Variants in ASTN2 observed in about 807,000 individuals in gnomAD.
ASTN2 encodes astrotactin-2.
In ASTN2, 54 loss-of-function variants were observed where a neutral mutation model predicts 139.8. The observed-to-expected ratio is 0.39, with a 90% CI of 0.31 to 0.48. The LOEUF (loss-of-function observed/expected upper bound fraction) is 0.48. ASTN2 is among the 20% of genes least tolerant of loss of function. The pLI is 0.95. For synonymous variants in ASTN2, 756 were observed against 719.5 expected (o/e 1.05, Z -0.81); for missense variants, 1,565 against 1,725.1 (o/e 0.91, Z 1.64).
At chr9:116,640,333 C>T (rs1038646904) in intron 17 of ASTN2, among the ~76,000 whole-genome samples, 6 of 151,968 alleles carry the variant, frequency 3.9e-5, no homozygotes, top group Non-Finnish European at 8.8e-5. Context: ...GAGGAGGAGA[C>T]ACAGGCATCA....
intron 2 of ASTN2, among the ~76,000 whole-genome samples, chr9:117,251,826 C>T (rs1246547124): frequency 6.6e-6 from 1 of 152,110 alleles, no homozygotes; most frequent in African/African-American, 2.4e-5. Flanking sequence ...ATTGTCTACA[C>T]TAGGTAGTCA....
chr9:117,043,920 A>AG (rs56386959), intron 5 of ASTN2, among the ~76,000 whole-genome samples: 5 of 108,456 alleles, frequency 4.6e-5, no homozygotes, highest in Admixed American at 1.8e-4. Context: ...AAAAAAAAAA[A>AG]AAAGAAAAGA....
chr9:116,812,962 C>T (rs1355926095), intron 12 of ASTN2, among the ~76,000 whole-genome samples: 1 of 152,028 alleles, frequency 6.6e-6, no homozygotes. Context: ...TCTCCCCCGC[C>T]GAGCCACCTA....
intron 10 of ASTN2, among the ~76,000 whole-genome samples, chr9:116,973,119 T>C (rs1019065626): frequency 6.6e-6 from 1 of 152,202 alleles, no homozygotes; most frequent in African/African-American, 2.4e-5. Flanking sequence ...TTTTATCCCC[T>C]ATTGCAGATC....
At chr9:117,294,487 C>T (rs895329565) in intron 1 of ASTN2, among the ~76,000 whole-genome samples, 1 of 152,224 alleles carries the variant, frequency 6.6e-6, no homozygotes, top group African/African-American at 2.4e-5. Context: ...CATTCATTCA[C>T]TCATTATTCA....
chr9:117,390,323 T>C (rs1364175159), intron 1 of ASTN2, among the ~76,000 whole-genome samples: 6 of 152,220 alleles, frequency 3.9e-5, no homozygotes, highest in East Asian at 3.9e-4. Flanking sequence ...TTTGTTATAA[T>C]TGATGAGCCA....
intron 17 of ASTN2, among the ~76,000 whole-genome samples, chr9:116,642,142 A>AAAAAACAAAACAAAAAAAAC (rs1857367386): frequency 7.0e-6 from 1 of 142,214 alleles, no homozygotes; most frequent in African/African-American, 2.9e-5. Flanking sequence ...CAAAAAAAAA[A>AAAAAACAAAACAAAAAAAAC]AAACAAAAAA....
At chr9:116,980,784 A>G (rs1301565494) in intron 7 of ASTN2, among the ~76,000 whole-genome samples, 1 of 152,134 alleles carries the variant, frequency 6.6e-6, no homozygotes, top group Non-Finnish European at 1.5e-5. Flanking sequence ...CTAAATCTCC[A>G]CTATTTGCAA....
chr9:116,831,278 G>T (rs2132285573), intron 11 of ASTN2, among the ~76,000 whole-genome samples: 1 of 152,180 alleles, frequency 6.6e-6, no homozygotes. Flanking sequence ...CAGGTGATGG[G>T]TATAATAAAA....
At chr9:116,999,556 T>TCC (rs1837131347) in intron 7 of ASTN2, among the ~76,000 whole-genome samples, 1 of 65,836 alleles carries the variant, frequency 1.5e-5, no homozygotes, top group Non-Finnish European at 3.3e-5. Context: ...TTCTTTTTTT[T>TCC]TTTTTTTTTT....
intron 19 of ASTN2, among the ~76,000 whole-genome samples, chr9:116,604,685 T>C (rs544425394): frequency 5.8e-4 from 88 of 152,324 alleles, no homozygotes; most frequent in Non-Finnish European, 1.1e-3. Context: ...GCTGCCACCA[T>C]CCTCTCAGCT....
At chr9:116,444,039 AAG>A (rs1347826111) in intron 20 of ASTN2, among the ~76,000 whole-genome samples, 1 of 152,220 alleles carries the variant, frequency 6.6e-6, no homozygotes, top group African/African-American at 2.4e-5. Context: ...GCACTGAGCT[AAG>A]AGTTACCTAC....
intron 18 of ASTN2, among the ~76,000 whole-genome samples, chr9:116,618,966 A>T (rs1855989947): frequency 6.6e-6 from 1 of 152,126 alleles, no homozygotes; most frequent in Admixed American, 6.6e-5. Context: ...AAATAGAATG[A>T]TTAAAGGTTA....
intron 1 of ASTN2, among the ~76,000 whole-genome samples, chr9:117,346,341 G>A (rs1829216788): frequency 6.6e-6 from 1 of 152,102 alleles, no homozygotes; most frequent in Admixed American, 6.6e-5. Context: ...TAAATGCTTG[G>A]TCAGGTTCAG....
At chr9:117,024,385 G>A (rs528725086) in intron 6 of ASTN2, among the ~76,000 whole-genome samples, 1 of 151,640 alleles carries the variant, frequency 6.6e-6, no homozygotes, top group African/African-American at 2.4e-5. Flanking sequence ...TTACAGGAAC[G>A]GTATTAGATG....
chr9:116,752,207 A>G (rs542154560), intron 13 of ASTN2, among the ~76,000 whole-genome samples: 16 of 152,328 alleles, frequency 1.1e-4, no homozygotes, highest in Non-Finnish European at 7.4e-5. Context: ...AATCTAGTCA[A>G]CTGATCTTTA....
intron 13 of ASTN2, among the ~76,000 whole-genome samples, chr9:116,803,508 ATATATATATATATATTTTTTTT>A (rs1177551713): frequency 1.4e-4 from 1 of 7,082 alleles, no homozygotes; most frequent in African/African-American, 6.6e-4. Context: ...ATATATATAT[ATATATATATATATATTTTTTTT>A]TTTTTTTTTT....
At chr9:116,977,290 T>TGTAA in intron 7 of ASTN2, among the ~76,000 whole-genome samples, 1 of 152,338 alleles carries the variant, frequency 6.6e-6, no homozygotes, top group South Asian at 2.1e-4. Context: ...AAAACCTGTC[T>TGTAA]GTAGTCTCCT....
chr9:116,773,306 C>T (rs1232011837), intron 13 of ASTN2, among the ~76,000 whole-genome samples: 3 of 152,148 alleles, frequency 2.0e-5, no homozygotes, highest in Non-Finnish European at 4.4e-5. Flanking sequence ...TCTGTATGAA[C>T]CTTCCCAACC....
Sources: allele counts gnomAD v4.1 joint callset (sites outside exome capture counted in the v4.1 genomes callset), GRCh38; gene constraint gnomAD v4.1.1; transcripts MANE v1.5; gene names NCBI Gene and HGNC (gene_info 2026-07-23, HGNC 2026-07-21).